Variants in AP3D1 observed in about 807,000 individuals in gnomAD.
AP3D1 encodes the protein AP-3 complex subunit delta-1.
A neutral mutation model predicts 147.6 loss-of-function variants in AP3D1; 51 were observed. The observed-to-expected ratio is 0.35, with a 90% CI of 0.28 to 0.44. The LOEUF is 0.44. AP3D1 is among the 20% of genes least tolerant of loss of function. The pLI, the probability that AP3D1 is intolerant of heterozygous loss-of-function variation, is 1.00. For missense variants in AP3D1, 1,421 were observed against 1,624.2 expected (o/e 0.87, Z 2.15); for synonymous variants, 760 against 663.0 (o/e 1.15, Z -2.25).
At chr19:2,147,253 G>A (rs1203570028) in intron 1 of AP3D1, among the ~76,000 whole-genome samples, 2 of 151,450 alleles carry the variant, frequency 1.3e-5, no homozygotes, top group African/African-American at 4.9e-5. Flanking sequence ...GCTGAGGCAG[G>A]AGAATTGCTT....
In AP3D1 at chr19:2,129,461, G is replaced by C. The variant is rs1327125966; in HGVS notation, c.593-4C>G. On this transcript the variant is annotated splice_region_variant and splice_polypyrimidine_tract_variant and intron_variant, in intron 6 of 31. Coordinates refer to ENST00000643116, the MANE Select transcript of AP3D1 (RefSeq NM_001261826.3). ...TTGACGGCAGCCGACTGAACCCCTGGGGAACAAGGGGTTCTCATCAGCATG... is the reference window on the plus strand; with the variant it reads ...TTGACGGCAGCCGACTGAACCCCTGCGGAACAAGGGGTTCTCATCAGCATG... 20 of 1,612,870 alleles carry C rather than the reference G, an allele frequency of 1.2e-5. No individual in the cohort carries two copies. Among genetic ancestry groups the C allele is most frequent in the Non-Finnish European group, 1.7e-5 (20 of 1,179,284 alleles).
At chr19:2,111,239 G>T (rs1372696346) in intron 26 of AP3D1, 46 bp downstream of exon 26, 2 of 1,610,286 alleles carry the variant, frequency 1.2e-6, no homozygotes, top group East Asian at 4.5e-5. Context: ...CCATGCCAAA[G>T]AGTGTGGGCT....
rs546814280 is a variant in AP3D1, at chr19:2,116,770, C to G, written c.1860-24G>C. The G allele has an allele frequency of 1.9e-6, 3 of 1,591,334 alleles. No homozygotes were observed. The East Asian group carries it at 6.7e-5, about 36-fold the overall frequency. On this transcript the variant is annotated intron_variant, in intron 16 of 31. Coordinates refer to ENST00000643116, the MANE Select transcript of AP3D1 (RefSeq NM_001261826.3). ...GGCTGCACCGGACAGGAGGGCCACACAAGGCAGTGTGTGACCGAGCACGCG... is the reference window on the plus strand; with the variant it reads ...GGCTGCACCGGACAGGAGGGCCACAGAAGGCAGTGTGTGACCGAGCACGCG...
At chr19:2,118,961 G>C (rs1385758429) in intron 14 of AP3D1, 129 bp from the exon 15 acceptor site, 17 of 811,438 alleles carry the variant, frequency 2.1e-5, no homozygotes, top group Non-Finnish European at 3.3e-5. Context: ...TCCCTGAGCG[G>C]TCTCCAGGGG....
chr19:2,108,856 T>G lies in AP3D1; in HGVS notation c.3473-90A>C, dbSNP rs1208589651. On this transcript the variant is annotated intron_variant, in intron 30 of 31. Coordinates refer to ENST00000643116, the MANE Select transcript of AP3D1 (RefSeq NM_001261826.3). The stretch of plus-strand genomic sequence containing the variant: ...CAGGGGCCACCTTCTTGGGCTGCCC[T>G]TGGCCACAGCTTCAGGAGGCCTGTA... 2.8e-6 allele frequency: 4 copies of G among 1,433,936 alleles called. No homozygotes were observed. In the South Asian group the frequency reaches 5.0e-5, roughly 18 times the overall value. 88.8% of individuals were successfully genotyped at this position (1,433,936 alleles called of 1,614,324 possible).
chr19:2,140,281 T>C (rs1286013571), intron 1 of AP3D1, among the ~76,000 whole-genome samples: 1 of 152,082 alleles, frequency 6.6e-6, no homozygotes, highest in Non-Finnish European at 1.5e-5. Flanking sequence ...CACGGTTCCA[T>C]GTGGAGTTAC....
intron 31 of AP3D1, 70 bp from the exon 32 acceptor site, chr19:2,102,338 G>C (rs1259718333): frequency 1.4e-6 from 2 of 1,394,550 alleles, no homozygotes; most frequent in East Asian, 4.6e-5. Flanking sequence ...TCAAGTCTGT[G>C]ATCCCAGCAT....
chr19:2,139,514 G>A (rs942298524), intron 1 of AP3D1, among the ~76,000 whole-genome samples: 10 of 152,176 alleles, frequency 6.6e-5, no homozygotes, highest in Admixed American at 2.0e-4. Flanking sequence ...GGCAGACAAG[G>A]TTCCCAAGGG....
intron 4 of AP3D1, 63 bp downstream of exon 4, chr19:2,136,931 AAGACGCGTGTGGGAACC>A (rs2019091728): frequency 1.1e-5 from 15 of 1,309,760 alleles, no homozygotes; most frequent in Non-Finnish European, 1.5e-5. Flanking sequence ...TGCCCACAGG[AAGACGCGTGTGGGAACC>A]AGACGCTCCG....
rs1288790697 is a variant in AP3D1 at position 2,115,587 on chromosome 19, C to T, written c.2100G>A (p.Glu700=). 6.2e-7 allele frequency: 1 copy of T among 1,613,102 alleles called. No homozygotes were observed. The highest frequency in any genetic ancestry group is 2.2e-5 in the East Asian group (1 of 44,842). Residue 700 remains glutamate, a synonymous_variant, in exon 19 of 32, where the codon GAG becomes GAA. Coordinates refer to ENST00000643116, the MANE Select transcript of AP3D1 (RefSeq NM_001261826.3). ...GGTCAATCTGCACCACGGGAATGTG[C>T]TCCACGCCCGGGGTGTCCTGGTACC... ...QKRYQDTPGV[E]HIPVVQIDLS...
chr19:2,144,281 C>T (rs1568307171), intron 1 of AP3D1, among the ~76,000 whole-genome samples: 1 of 152,218 alleles, frequency 6.6e-6, no homozygotes, highest in Non-Finnish European at 1.5e-5. Context: ...GAGCGCTCTG[C>T]TCTTTCAACA....
chr19:2,114,299 G>C lies in AP3D1; in HGVS notation c.2427C>G (p.Pro809=), dbSNP rs942838646. The C allele has an allele frequency of 1.2e-6, 2 of 1,610,726 alleles. No individual in the cohort carries two copies. Among genetic ancestry groups the C allele is most frequent in the Non-Finnish European group, 1.7e-6 (2 of 1,179,020 alleles). The change falls in exon 22 of 32, where the codon CCC becomes CCG. Residue 809 remains proline, a synonymous_variant. Transcript: ENST00000643116. Reference sequence around the variant, plus strand: ...TAGGCAGTTTCTCGCTGTCGGCTAAGGGCCTGGAGGAGGAATGACCGGGCC... The same window carrying C: ...TAGGCAGTTTCTCGCTGTCGGCTAACGGCCTGGAGGAGGAATGACCGGGCC... ...YRALDIDLDK[P]LADSEKLPIQ... is the part of the protein sequence containing the mutation.
intron 1 of AP3D1, among the ~76,000 whole-genome samples, chr19:2,139,590 A>G (rs1468066831): frequency 1.3e-5 from 2 of 152,208 alleles, no homozygotes; most frequent in African/African-American, 2.4e-5. Flanking sequence ...TGCTGGCCCC[A>G]GAGACAACCC....
upstream of AP3D1, among the ~76,000 whole-genome samples, chr19:2,154,464 A>G (rs2019629348): frequency 6.6e-6 from 1 of 151,528 alleles, no homozygotes; most frequent in African/African-American, 2.4e-5. Context: ...ATTTTAGTAG[A>G]GACAGGGTTT....
intron 1 of AP3D1, among the ~76,000 whole-genome samples, chr19:2,161,021 C>T (rs2019692591): frequency 1.3e-5 from 2 of 152,088 alleles, no homozygotes; most frequent in South Asian, 2.1e-4. Flanking sequence ...TGATCCACCA[C>T]CCTGCTGAGG....
At chr19:2,104,344 C>T (rs1319605271) in intron 31 of AP3D1, among the ~76,000 whole-genome samples, 5 of 87,072 alleles carry the variant, frequency 5.7e-5, no homozygotes, top group East Asian at 3.6e-4. Flanking sequence ...ATGCCGAGAC[C>T]GCAACACTGA....
chr19:2,109,129 G>C lies in AP3D1; in HGVS notation c.3429C>G (p.Phe1143Leu). The change falls in exon 30 of 32, where the codon TTC (phenylalanine) becomes TTG (leucine). Residue 1143 changes from phenylalanine (F) to leucine (L), a missense_variant. Transcript: ENST00000643116. Reference protein sequence around the residue: ...SIKVDGIRMSFQNLLAKICFH... With the variant: ...SIKVDGIRMSLQNLLAKICFH... The stretch of plus-strand genomic sequence containing the variant: ...AACAGATCTTCGCCAGAAGATTCTG[G>C]AAGGACATCCGAATGCCATCGACTT... The C allele has an allele frequency of 6.2e-7, 1 of 1,609,264 alleles. No individual in the cohort carries two copies.
chr19:2,138,068 G>A (rs1412202622), intron 2 of AP3D1, among the ~76,000 whole-genome samples: 1 of 152,194 alleles, frequency 6.6e-6, no homozygotes. Context: ...TGGCGCTTAC[G>A]GGTACTGGCT....
chr19:2,128,031 C>T (rs995859675), intron 8 of AP3D1, among the ~76,000 whole-genome samples: 1 of 152,228 alleles, frequency 6.6e-6, no homozygotes, highest in African/African-American at 2.4e-5. Flanking sequence ...TAATGACACC[C>T]TTCTGTGAAT....
Sources: allele counts gnomAD v4.1 joint callset (sites outside exome capture counted in the v4.1 genomes callset), GRCh38; gene constraint gnomAD v4.1.1; transcripts MANE v1.5; gene names NCBI Gene and HGNC (gene_info 2026-07-23, HGNC 2026-07-21).